The following PIK3R5 variants were observed in gnomAD, a reference collection of about 807,000 sequenced individuals.
PIK3R5 encodes the protein phosphoinositide 3-kinase regulatory subunit 5.
In PIK3R5, 32 loss-of-function variants were observed where a neutral mutation model predicts 94.9. The observed-to-expected ratio is 0.34, with a 90% CI of 0.25 to 0.45. The LOEUF (loss-of-function observed/expected upper bound fraction) is 0.45, where lower values mean the gene tolerates loss of function less well. Among genes scored for constraint, PIK3R5 ranks in the 20% least tolerant of loss-of-function variants. The pLI is 1.00. For synonymous variants in PIK3R5, 443 were observed against 479.4 expected (o/e 0.92, Z 0.99); for missense variants, 853 against 1,144.6 (o/e 0.75, Z 3.68).
At position 8,917,176 on chromosome 17, in the gene PIK3R5, G is replaced by A. The variant is rs575970899; in HGVS notation, c.-13-5669C>T. Among the ~76,000 whole-genome samples, 6 of 152,326 alleles carry A rather than the reference G, an allele frequency of 3.9e-5. No individual in the cohort carries two copies. In the South Asian group the frequency reaches 8.3e-4, roughly 21 times the overall value. ...AGGAGATTGGTTAGTTACTATGGGA[G>A]GTGGAGGTGAGAAAAGGGTGGATAG... On this transcript the variant is annotated intron_variant, in intron 1 of 18. Transcript: ENST00000447110.
At position 8,896,528 on chromosome 17, in the gene PIK3R5, C is replaced by T. The variant is rs532849660; in HGVS notation, c.413-2873G>A. On this transcript the variant is annotated intron_variant, in intron 5 of 18. Coordinates refer to ENST00000447110, the MANE Select transcript of PIK3R5 (RefSeq NM_001142633.3). The surrounding 1 kb of genome is among the most constrained non-coding windows in gnomAD (Gnocchi z 4.0). ...ATTGAGAGAAGTCACCCCATACAGG[C>T]GAAGAACGGGGTGAGTGGGCAGAAC... Among the ~76,000 whole-genome samples, 30 of 152,310 alleles carry T rather than the reference C, an allele frequency of 2.0e-4. No homozygotes were observed. The highest frequency in any genetic ancestry group is 5.1e-4 in the African/African-American group (21 of 41,570).
chr17:8,922,438 T>G (rs1452065696), intron 1 of PIK3R5, among the ~76,000 whole-genome samples: 2 of 152,160 alleles, frequency 1.3e-5, no homozygotes, highest in Non-Finnish European at 2.9e-5. Flanking sequence ...AGCCATTTAT[T>G]CACTCAAGTT....
At chr17:8,897,079 G>A (rs1212631532) in intron 5 of PIK3R5, among the ~76,000 whole-genome samples, 2 of 152,216 alleles carry the variant, frequency 1.3e-5, no homozygotes, top group African/African-American at 4.8e-5. Flanking sequence ...CCCATGTATA[G>A]CGCCTTCCTG....
rs1363972916 is a variant in PIK3R5 at position 8,879,756 on chromosome 17, T to C, written c.*883A>G. On this transcript the variant is annotated 3_prime_UTR_variant, in exon 19 of 19. Transcript: ENST00000447110. This position sits in a 1 kb window ranked among gnomAD's most constrained non-coding sequence, Gnocchi z 4.4. ...AATCAGTGTTCAGAAAGTCAGGCAC[T>C]AAGCTTTACTGAACACCTACTGGGA... The C allele has an allele frequency of 1.3e-5, 2 of 152,232 alleles. No homozygotes were observed. Among genetic ancestry groups the C allele is most frequent in the Non-Finnish European group, 2.9e-5 (2 of 68,050 alleles). The allele number at this position is 152,232 out of a possible 1,614,324, so 9.4% of individuals were successfully genotyped here. A position where few individuals can be genotyped will look rare whatever the true frequency, so the allele number is the denominator to read the frequency against.
chr17:8,887,268 G>T, intron 11 of PIK3R5, 47 bp from the exon 12 acceptor site: 1 of 1,608,192 alleles, frequency 6.2e-7, no homozygotes, highest in South Asian at 1.1e-5. Context: ...CAGGAGGCCT[G>T]CCCATCCTAG....
rs145206613 is a variant in PIK3R5, at chr17:8,905,892, T to C, written c.205-155A>G. On this transcript the variant is annotated intron_variant, in intron 3 of 18. Coordinates refer to ENST00000447110, the MANE Select transcript of PIK3R5 (RefSeq NM_001142633.3). The stretch of plus-strand genomic sequence containing the variant: ...ACATGACAAACATTTGGAAAATGGA[T>C]GTAAACGAAAACACTTACAATTTCC... 1.6e-3 allele frequency among the ~76,000 whole-genome samples: 236 copies of C among 151,920 alleles called. 3 individuals carry two copies. The highest frequency in any genetic ancestry group is 0.016 in the East Asian group (80 of 5,152).
Position 8,888,455 on chromosome 17 carries a change from C to T in PIK3R5, c.1332G>A (p.Glu444=), listed in dbSNP as rs1269092167. 1 of 1,599,492 alleles carries T rather than the reference C, an allele frequency of 6.3e-7. No individual in the cohort carries two copies. The highest frequency in any genetic ancestry group is 8.5e-7 in the Non-Finnish European group (1 of 1,173,926). ...GGGGCAGGGCCGTGTCCGAGCTGCCCTCCAGGCTCCGAGAGTCCCTCCGCA... is the reference window on the plus strand; with the variant it reads ...GGGGCAGGGCCGTGTCCGAGCTGCCTTCCAGGCTCCGAGAGTCCCTCCGCA... The part of the protein sequence containing the change: ...LVLRRDSRSL[E]GSSDTALPLR... Residue 444 remains glutamate, a synonymous_variant, in exon 10 of 19, where the codon GAG becomes GAA. Coordinates refer to ENST00000447110, the MANE Select transcript of PIK3R5 (RefSeq NM_001142633.3). The surrounding 1 kb of genome is among the most constrained non-coding windows in gnomAD (Gnocchi z 7.8).
At position 8,959,812 on chromosome 17, in the gene PIK3R5, A is replaced by G. The variant is rs1464093130; in HGVS notation, c.-14+5784T>C. Among the ~76,000 whole-genome samples, 5 of 152,344 alleles carry G rather than the reference A, an allele frequency of 3.3e-5. No homozygotes were observed. The East Asian group carries it at 7.7e-4, about 23-fold the overall frequency. On this transcript the variant is annotated intron_variant, in intron 1 of 18. Transcript: ENST00000447110. ...ACTTCCTAGATGAGACAGACAATCC[A>G]GATCAGGGCTTCTGAACCCTCCCAG...
chr17:8,888,842 C>T lies in PIK3R5; in HGVS notation c.945G>A (p.Gly315=). 6.2e-7 allele frequency: 1 copy of T among 1,607,692 alleles called. No individual in the cohort carries two copies. Among genetic ancestry groups the T allele is most frequent in the South Asian group, 1.1e-5 (1 of 91,076 alleles). Reference sequence around the variant, plus strand: ...CCTCCTCTTCATCATCTCCCAGGATCCCTGGCTGGAGTAGCTCCTGTTCCT... The same window carrying T: ...CCTCCTCTTCATCATCTCCCAGGATTCCTGGCTGGAGTAGCTCCTGTTCCT... The part of the protein sequence containing the change: ...LLKEQELLQP[G]ILGDDEEEEE... Residue 315 remains glycine, a synonymous_variant, in exon 10 of 19, where the codon GGG becomes GGA. Transcript: ENST00000447110. The surrounding 1 kb of genome is among the most constrained non-coding windows in gnomAD (Gnocchi z 7.8).
chr17:8,950,987 C>A (rs1261447386), intron 1 of PIK3R5, among the ~76,000 whole-genome samples: 1 of 152,108 alleles, frequency 6.6e-6, no homozygotes, highest in African/African-American at 2.4e-5. Context: ...TCAATAGTGG[C>A]CATTCTGACT....
At chr17:8,917,669 C>T (rs552495074) in intron 1 of PIK3R5, among the ~76,000 whole-genome samples, 5 of 152,198 alleles carry the variant, frequency 3.3e-5, no homozygotes, top group Admixed American at 6.5e-5. Context: ...AGTTCAAGAC[C>T]GGCCTGACCA....
At position 8,911,759 on chromosome 17, in the gene PIK3R5, T is replaced by C. The variant is rs2090530358; in HGVS notation, c.-13-252A>G. 5.2e-6 allele frequency: 2 copies of C among 388,204 alleles called. No individual in the cohort carries two copies. The highest frequency in any genetic ancestry group is 9.5e-6 in the Non-Finnish European group (2 of 211,322). 24.0% of individuals were successfully genotyped at this position (388,204 alleles called of 1,614,324 possible). ...GGACAGAGGTGTGGGAAGTAAGGGG[T>C]CAGGAATGGGAGCAGAGAGGTGGAA... is the stretch of plus-strand genomic sequence containing the variant. On this transcript the variant is annotated intron_variant, in intron 1 of 18. Transcript: ENST00000447110. This position sits in a 1 kb window ranked among gnomAD's most constrained non-coding sequence, Gnocchi z 5.3.
chr17:8,888,390 G>A lies in PIK3R5; in HGVS notation c.1397C>T (p.Pro466Leu). 3 of 1,598,084 alleles carry A rather than the reference G, an allele frequency of 1.9e-6. No homozygotes were observed. Among genetic ancestry groups the A allele is most frequent in the Non-Finnish European group, 2.6e-6 (3 of 1,174,644 alleles). ...CTGGGCCCGGGAAGGGGGTGATACT[G>A]GTTCGTCCAGGGGGCTGCAGAGGCT... Reference protein sequence around the residue: ...AGSLCSPLDEPVSPPSRAQRS... With the variant: ...AGSLCSPLDELVSPPSRAQRS... Residue 466 changes from proline (P) to leucine (L), a missense_variant, in exon 10 of 19, where the codon CCA (proline) becomes CTA (leucine). Around this residue, in one of 6 missense-constraint regions of PIK3R5, gnomAD observed 319 missense variants for 339.8 expected, o/e 0.94. Transcript: ENST00000447110. This position sits in a 1 kb window ranked among gnomAD's most constrained non-coding sequence, Gnocchi z 7.8.
intron 5 of PIK3R5, among the ~76,000 whole-genome samples, chr17:8,900,089 C>G (rs2090247605): frequency 6.6e-6 from 1 of 151,412 alleles, no homozygotes; most frequent in African/African-American, 2.4e-5. Context: ...ATTTAAGGGT[C>G]ATGTAGAAGG....
chr17:8,897,445 T>A (rs2090176846), intron 5 of PIK3R5, among the ~76,000 whole-genome samples: 2 of 152,180 alleles, frequency 1.3e-5, no homozygotes, highest in African/African-American at 4.8e-5. Context: ...CGGAAACGCC[T>A]GTGGGATGAG....
rs2090073310 is a variant in PIK3R5, at chr17:8,893,381, C to A, written c.482+205G>T. Among the ~76,000 whole-genome samples, 1 of 152,140 alleles carries A rather than the reference C, an allele frequency of 6.6e-6. No homozygotes were observed. The highest frequency in any genetic ancestry group is 2.4e-5 in the African/African-American group (1 of 41,424). On this transcript the variant is annotated intron_variant, in intron 6 of 18. Coordinates refer to ENST00000447110, the MANE Select transcript of PIK3R5 (RefSeq NM_001142633.3). The surrounding 1 kb of genome is among the most constrained non-coding windows in gnomAD (Gnocchi z 5.1). ...CTTTAAGAATCTGGTGAAAGACCGT[C>A]AGCCTAGAAAAACACACCTGGACAC...
rs1377394737 is a variant in PIK3R5, at chr17:8,886,395, C to A, written c.2035-73G>T. 2.5e-6 allele frequency: 4 copies of A among 1,596,946 alleles called. No homozygotes were observed. In the African/African-American group the frequency reaches 5.4e-5, roughly 21 times the overall value. On this transcript the variant is annotated intron_variant, in intron 13 of 18. Coordinates refer to ENST00000447110, the MANE Select transcript of PIK3R5 (RefSeq NM_001142633.3). ...CCCATTTGGCTCCTCCAGCATAGACCTGCTGGCTCTCCCGGGGCAGGGGTG... is the reference window on the plus strand; with the variant it reads ...CCCATTTGGCTCCTCCAGCATAGACATGCTGGCTCTCCCGGGGCAGGGGTG...
rs1396817410 is a variant in PIK3R5, at chr17:8,889,126, C to T, written c.895+13G>A. 6.2e-7 allele frequency: 1 copy of T among 1,611,722 alleles called. No homozygotes were observed. The highest frequency in any genetic ancestry group is 1.7e-5 in the Admixed American group (1 of 59,812). ...TGTGGGGCATGGGTGTCACCAGGGC[C>T]CCGGCTCCTTACCAAAGCTGTCCTG... On this transcript the variant is annotated intron_variant, in intron 9 of 18. Transcript: ENST00000447110. The surrounding 1 kb of genome is among the most constrained non-coding windows in gnomAD (Gnocchi z 4.1).
intron 1 of PIK3R5, chr17:8,912,056 C>T (rs574725335): frequency 6.6e-6 from 1 of 152,474 alleles, no homozygotes; most frequent in Non-Finnish European, 1.5e-5. Flanking sequence ...CTAACCTCCA[C>T]TTTTGCCATT....
Sources: allele counts gnomAD v4.1 joint callset (sites outside exome capture counted in the v4.1 genomes callset), GRCh38; gene constraint gnomAD v4.1.1; regional missense constraint gnomAD v4.1.1; non-coding constraint Gnocchi (gnomAD v3.1); transcripts MANE v1.5; gene names NCBI Gene and HGNC (gene_info 2026-07-23, HGNC 2026-07-21).